The following CTNNBL1 variants were observed in gnomAD, a reference collection of about 807,000 sequenced individuals.
CTNNBL1 encodes the protein beta-catenin-like protein 1.
A neutral mutation model predicts 72.7 loss-of-function variants in CTNNBL1; 31 were observed. That is an observed-to-expected ratio of 0.43 (90% CI 0.32 to 0.58). The LOEUF is 0.58. CTNNBL1 is among the 20% of genes least tolerant of loss of function. The pLI, the probability that CTNNBL1 is intolerant of heterozygous loss-of-function variation, is 0.08. For missense variants in CTNNBL1, 534 were observed against 725.1 expected (o/e 0.74, Z 3.03); for synonymous variants, 240 against 267.3 (o/e 0.90, Z 1.00).
At chr20:37,816,889 A>G (rs2072064820) in intron 11 of CTNNBL1, among the ~76,000 whole-genome samples, 1 of 152,006 alleles carries the variant, frequency 6.6e-6, no homozygotes, top group Non-Finnish European at 1.5e-5. Flanking sequence ...CTGGAATAAC[A>G]ATGTTTGCTA....
intron 11 of CTNNBL1, among the ~76,000 whole-genome samples, chr20:37,831,551 A>G (rs1369702951): frequency 1.3e-5 from 2 of 151,834 alleles, no homozygotes; most frequent in Non-Finnish European, 2.9e-5. Flanking sequence ...ATTTTTTAGT[A>G]GTGACGGGGT....
At chr20:37,820,728 A>G (rs1378573835) in intron 11 of CTNNBL1, among the ~76,000 whole-genome samples, 3 of 152,100 alleles carry the variant, frequency 2.0e-5, no homozygotes, top group Non-Finnish European at 4.4e-5. Flanking sequence ...ACCTCCTGCC[A>G]TGATTGTAAG....
At chr20:37,771,884 C>T (rs1053550160) in intron 7 of CTNNBL1, among the ~76,000 whole-genome samples, 2 of 152,152 alleles carry the variant, frequency 1.3e-5, no homozygotes, top group African/African-American at 4.8e-5. Flanking sequence ...GATTAAGACC[C>T]AAGCCTCCAG....
chr20:37,742,734 AT>A (rs1193529556), intron 3 of CTNNBL1, among the ~76,000 whole-genome samples: 1 of 152,172 alleles, frequency 6.6e-6, no homozygotes, highest in Non-Finnish European at 1.5e-5. Flanking sequence ...TTAAAAAAAA[AT>A]AATAAAATAC....
At position 37,732,955 on chromosome 20, in the gene CTNNBL1, G is replaced by A. The variant is rs747561200; in HGVS notation, c.107G>A (p.Arg36Gln). 5.0e-6 allele frequency: 8 copies of A among 1,613,962 alleles called. No homozygotes were observed. The highest frequency in any genetic ancestry group is 2.2e-5 in the South Asian group (2 of 91,076). Residue 36 changes from arginine to glutamine, a missense_variant, in exon 2 of 16, where the codon CGA (arginine) becomes CAA (glutamine). Transcript: ENST00000361383. The part of the protein sequence containing the change: ...QKMRRKQTGT[R>Q]ERGRYREEEM... ...ATGCGTCGGAAACAAACTGGTACTC[G>A]AGAACGCGGCCGCTATCGGGAAGAA...
chr20:37,809,130 C>T (rs2071986762), intron 11 of CTNNBL1, among the ~76,000 whole-genome samples: 2 of 152,030 alleles, frequency 1.3e-5, no homozygotes, highest in Admixed American at 1.3e-4. Context: ...GGAGAGACTC[C>T]CAGCCCTCAG....
At chr20:37,851,634 T>C (rs938386338) in intron 13 of CTNNBL1, among the ~76,000 whole-genome samples, 5 of 152,252 alleles carry the variant, frequency 3.3e-5, no homozygotes, top group African/African-American at 4.8e-5. Flanking sequence ...TCTGTTCTGT[T>C]TCCTGTTCCC....
intron 11 of CTNNBL1, among the ~76,000 whole-genome samples, chr20:37,814,628 C>T (rs760914216): frequency 2.0e-5 from 3 of 152,200 alleles, no homozygotes; most frequent in Admixed American, 1.3e-4. Context: ...ATCAGCTAAA[C>T]AGCTTTGACA....
chr20:37,803,560 G>T (rs771953339), intron 11 of CTNNBL1, among the ~76,000 whole-genome samples: 2 of 152,180 alleles, frequency 1.3e-5, no homozygotes, highest in Admixed American at 1.3e-4. Flanking sequence ...GCTGTAACCA[G>T]AGTAGTTACT....
intron 13 of CTNNBL1, among the ~76,000 whole-genome samples, chr20:37,850,858 A>G (rs896847606): frequency 2.0e-5 from 3 of 152,084 alleles, no homozygotes; most frequent in Non-Finnish European, 2.9e-5. Flanking sequence ...AAGGCAAGAG[A>G]GGTTCATGTT....
chr20:37,765,841 G>A (rs1245290180), intron 6 of CTNNBL1, among the ~76,000 whole-genome samples: 1 of 152,074 alleles, frequency 6.6e-6, no homozygotes, highest in Non-Finnish European at 1.5e-5. Flanking sequence ...TTCCTCTGTA[G>A]TATTTCTCCT....
Position 37,817,061 on chromosome 20 carries a change from G to T in CTNNBL1, c.1213+14013G>T, listed in dbSNP as rs74405913. Among the ~76,000 whole-genome samples, 735 of 152,270 alleles carry T rather than the reference G, an allele frequency of 4.8e-3. 7 individuals carry two copies. Among genetic ancestry groups the T allele is most frequent in the African/African-American group, 0.015 (633 of 41,546 alleles). ...TATCCCTAACATCAACTCCATGTGG[G>T]TTATCGTTAGCCTGCTTTATTACTG... On this transcript the variant is annotated intron_variant, in intron 11 of 15. Transcript: ENST00000361383.
At chr20:37,745,214 G>A (rs1346340618) in intron 3 of CTNNBL1, among the ~76,000 whole-genome samples, 2 of 152,154 alleles carry the variant, frequency 1.3e-5, no homozygotes, top group African/African-American at 2.4e-5. Context: ...TCTAGATTTT[G>A]TTGCTTACCG....
intron 1 of CTNNBL1, among the ~76,000 whole-genome samples, chr20:37,705,730 G>A (rs369109448): frequency 6.6e-6 from 1 of 152,110 alleles, no homozygotes; most frequent in African/African-American, 2.4e-5. Context: ...CAAGAATCTC[G>A]TTTACAAATT....
chr20:37,759,622 TTTTA>T (rs2073396820), intron 5 of CTNNBL1, among the ~76,000 whole-genome samples: 1 of 152,130 alleles, frequency 6.6e-6, no homozygotes. Flanking sequence ...TTAGTTTAGT[TTTTA>T]TTTTTATTAT....
intron 5 of CTNNBL1, among the ~76,000 whole-genome samples, chr20:37,761,129 C>G (rs1307334181): frequency 6.6e-6 from 1 of 152,142 alleles, no homozygotes; most frequent in Non-Finnish European, 1.5e-5. Context: ...TGCAGAGATG[C>G]AGGCATCGGT....
intron 11 of CTNNBL1, among the ~76,000 whole-genome samples, chr20:37,814,159 C>CA (rs1178733986): frequency 6.6e-6 from 1 of 152,122 alleles, no homozygotes; most frequent in East Asian, 1.9e-4. Context: ...CTGCAGCTTC[C>CA]AAAAACTGAA....
chr20:37,703,599 G>C (rs565157180), intron 1 of CTNNBL1, among the ~76,000 whole-genome samples: 61 of 152,056 alleles, frequency 4.0e-4, no homozygotes, highest in Non-Finnish European at 7.9e-4. Context: ...TTAATGTTTC[G>C]TGTGTGTACT....
chr20:37,746,043 G>A (rs938481169), intron 3 of CTNNBL1, among the ~76,000 whole-genome samples: 2 of 152,158 alleles, frequency 1.3e-5, no homozygotes, highest in African/African-American at 4.8e-5. Flanking sequence ...TTGGTAAGGG[G>A]AATAACTGGC....
Sources: allele counts gnomAD v4.1 joint callset (sites outside exome capture counted in the v4.1 genomes callset), GRCh38; gene constraint gnomAD v4.1.1; transcripts MANE v1.5; gene names NCBI Gene and HGNC (gene_info 2026-07-23, HGNC 2026-07-21).